Variants in MTOR observed in about 807,000 individuals in gnomAD.
The protein encoded by MTOR is mechanistic target of rapamycin kinase.
Under a neutral mutation model 319.8 loss-of-function variants are expected in MTOR, and 70 were observed. The ratio of observed to expected loss-of-function variants is 0.22; its 90% CI spans 0.18 to 0.27. The LOEUF is 0.27. MTOR is among the 10% of genes least tolerant of loss of function. The pLI is 1.00. For missense variants in MTOR, 1,890 were observed against 3,274.4 expected (o/e 0.58, Z 10.32); for synonymous variants, 1,183 against 1,211.4 (o/e 0.98, Z 0.49).
chr1:11,212,405 A>T lies in MTOR; in HGVS notation c.3468T>A (p.Ile1156=). The T allele has an allele frequency of 6.2e-7, 1 of 1,614,162 alleles. No homozygotes were observed. The highest frequency in any genetic ancestry group is 8.5e-7 in the Non-Finnish European group (1 of 1,180,018). The part of the protein sequence containing the change: ...LDFTDYASRI[I]HPIVRTLDQS... ...GGTCCAGTGTTCGAACAATAGGGTG[A>T]ATGATCCGGGAGGCATAGTCAGTGA... Residue 1156 remains isoleucine (I), a synonymous_variant, in exon 23 of 58, where the codon ATT becomes ATA. Coordinates refer to ENST00000361445, the MANE Select transcript of MTOR (RefSeq NM_004958.4). The surrounding 1 kb of genome is among the most constrained non-coding windows in gnomAD (Gnocchi z 4.1).
chr1:11,242,828 G>C (rs1648258448), intron 9 of MTOR, among the ~76,000 whole-genome samples: 3 of 152,174 alleles, frequency 2.0e-5, no homozygotes, highest in African/African-American at 7.2e-5. Flanking sequence ...TTAAAAGCCA[G>C]AGAAAAAAGC....
At chr1:11,229,659 G>A (rs1392133381) in intron 18 of MTOR, among the ~76,000 whole-genome samples, 3 of 152,174 alleles carry the variant, frequency 2.0e-5, no homozygotes, top group Non-Finnish European at 2.9e-5. Context: ...TTATTTTGGG[G>A]TAATAATATT....
intron 36 of MTOR, among the ~76,000 whole-genome samples, chr1:11,137,054 C>T (rs1643458413): frequency 6.8e-6 from 1 of 147,546 alleles, no homozygotes; most frequent in African/African-American, 2.5e-5. Context: ...GTTGTCCAGG[C>T]TGGTCTCAAA....
intron 49 of MTOR, among the ~76,000 whole-genome samples, chr1:11,120,634 G>T (rs1463213118): frequency 1.3e-5 from 2 of 151,956 alleles, no homozygotes; most frequent in African/African-American, 4.8e-5. Flanking sequence ...TTACAAGTGT[G>T]AGCCACTGCA....
At chr1:11,193,240 G>A (rs940201528) in intron 28 of MTOR, among the ~76,000 whole-genome samples, 5 of 152,010 alleles carry the variant, frequency 3.3e-5, no homozygotes, top group African/African-American at 9.7e-5. Context: ...AACTCAGGAG[G>A]TGGAGGTTGC....
chr1:11,234,312 TAGAG>T, intron 13 of MTOR, 47 bp from the exon 14 acceptor site: 1 of 1,557,902 alleles, frequency 6.4e-7, no homozygotes, highest in South Asian at 1.2e-5. Flanking sequence ...GAAGACATTC[TAGAG>T]AGAGACTGTG....
At chr1:11,215,214 A>G (rs1646431564) in intron 20 of MTOR, among the ~76,000 whole-genome samples, 1 of 152,224 alleles carries the variant, frequency 6.6e-6, no homozygotes, top group Admixed American at 6.5e-5. Context: ...TCCTCCTCCC[A>G]TGAGGACACT....
chr1:11,138,289 C>G (rs1004902634), intron 36 of MTOR, among the ~76,000 whole-genome samples: 2 of 152,106 alleles, frequency 1.3e-5, no homozygotes, highest in Non-Finnish European at 2.9e-5. Context: ...GGGAGGCTCA[C>G]AGAGACTGAA....
At position 11,257,909 on chromosome 1, in the gene MTOR, A is replaced by T. The variant is rs548045693; in HGVS notation, c.271+576T>A. Among the ~76,000 whole-genome samples, 59 of 152,236 alleles carry T rather than the reference A, an allele frequency of 3.9e-4. 1 individual carries two copies. Among genetic ancestry groups the T allele is most frequent in the South Asian group, 1.2e-3 (6 of 4,830 alleles). ...CAGATCACTTGAGGTCAGGAGTTCGAGACCAGCCTGGCCAACATGGTGAAA... is the reference window on the plus strand; with the variant it reads ...CAGATCACTTGAGGTCAGGAGTTCGTGACCAGCCTGGCCAACATGGTGAAA... On this transcript the variant is annotated intron_variant, in intron 3 of 57. Coordinates refer to ENST00000361445, the MANE Select transcript of MTOR (RefSeq NM_004958.4).
chr1:11,233,275 C>G, intron 15 of MTOR, 123 bp downstream of exon 15: 1 of 899,000 alleles, frequency 1.1e-6, no homozygotes. Context: ...GCATTGTTGG[C>G]TGGGTTCCGC....
Position 11,106,658 on chromosome 1 carries a change from C to T in MTOR, c.*827G>A, listed in dbSNP as rs1641593590. On this transcript the variant is annotated 3_prime_UTR_variant, in exon 58 of 58. Coordinates refer to ENST00000361445, the MANE Select transcript of MTOR (RefSeq NM_004958.4). ...GAGTATTTGTTCTGCTCATAATTTC[C>T]AATATGTACCAGACCTTCCCTGTGT... 9.1e-7 allele frequency: 1 copy of T among 1,104,116 alleles called. No homozygotes were observed. Among genetic ancestry groups the T allele is most frequent in the Non-Finnish European group, 1.1e-6 (1 of 901,472 alleles). 68.4% of individuals were successfully genotyped at this position (1,104,116 alleles called of 1,614,324 possible). A position where few individuals can be genotyped will look rare whatever the true frequency, so the allele number is the denominator to read the frequency against.
At chr1:11,150,909 G>GA (rs925017600) in intron 30 of MTOR, among the ~76,000 whole-genome samples, 3 of 151,964 alleles carry the variant, frequency 2.0e-5, no homozygotes, top group Admixed American at 6.6e-5. Flanking sequence ...GCTTCTCAGT[G>GA]AAAAAAAATA....
At chr1:11,161,445 C>T (rs996581907) in intron 29 of MTOR, among the ~76,000 whole-genome samples, 4 of 152,152 alleles carry the variant, frequency 2.6e-5, no homozygotes, top group Non-Finnish European at 4.4e-5. Flanking sequence ...AGTGGTTCTC[C>T]CAGAACAGAG....
In MTOR at chr1:11,212,241, G is replaced by A; in HGVS notation, c.3561+71C>T. On this transcript the variant is annotated intron_variant, in intron 23 of 57. Coordinates refer to ENST00000361445, the MANE Select transcript of MTOR (RefSeq NM_004958.4). This position sits in a 1 kb window ranked among gnomAD's most constrained non-coding sequence, Gnocchi z 4.1. ...GTGGCTGGCATCAGACAAAGTCTGA[G>A]TGGCTCACAGACAAAGTCTTCTTTC... The A allele has an allele frequency of 6.6e-7, 1 of 1,524,788 alleles. No individual in the cohort carries two copies. Among genetic ancestry groups the A allele is most frequent in the Non-Finnish European group, 8.8e-7 (1 of 1,133,134 alleles). 94.5% of individuals were successfully genotyped at this position (1,524,788 alleles called of 1,614,324 possible).
intron 28 of MTOR, among the ~76,000 whole-genome samples, chr1:11,185,422 A>G (rs1645286007): frequency 1.3e-5 from 2 of 150,686 alleles, no homozygotes; most frequent in Non-Finnish European, 2.9e-5. Context: ...ACAAAAAAAA[A>G]AAAAGAAAAG....
intron 31 of MTOR, among the ~76,000 whole-genome samples, chr1:11,148,885 G>A (rs578058098): frequency 4.9e-4 from 74 of 150,824 alleles, no homozygotes; most frequent in African/African-American, 1.7e-3. Flanking sequence ...GTGACAGAGC[G>A]AGACTCCATG....
chr1:11,192,269 G>C, intron 28 of MTOR: 1 of 1,611,188 alleles, frequency 6.2e-7, no homozygotes, highest in East Asian at 2.2e-5. Context: ...TTCTCTTGTA[G>C]ATGCCATCTA....
At position 11,183,489 on chromosome 1, in the gene MTOR, T is replaced by C. The variant is rs552123376; in HGVS notation, c.4253+15769A>G. ...TTTCCTCCTTATTGTTTGATAAGAG[T>C]TCTTTATACACTCTGGGTATAATAC... On this transcript the variant is annotated intron_variant, in intron 28 of 57. Coordinates refer to ENST00000361445, the MANE Select transcript of MTOR (RefSeq NM_004958.4). Among the ~76,000 whole-genome samples, 5 of 152,272 alleles carry C rather than the reference T, an allele frequency of 3.3e-5. No individual in the cohort carries two copies. In the South Asian group the frequency reaches 8.3e-4, roughly 25 times the overall value.
chr1:11,128,019 G>C lies in MTOR; in HGVS notation c.6018C>G (p.Val2006=), dbSNP rs1570941999. The stretch of plus-strand genomic sequence containing the variant: ...TCCGACCCACCATCATGGCCTGCTG[G>C]ACCAGGGTGTTGCTGTGCTCACACA... ...KNMCEHSNTL[V]QQAMMVSEEL... is the part of the protein sequence containing the mutation. The change falls in exon 43 of 58, where the codon GTC becomes GTG. Residue 2006 remains valine (V), a synonymous_variant. Transcript: ENST00000361445. The surrounding 1 kb of genome is among the most constrained non-coding windows in gnomAD (Gnocchi z 5.3). The C allele has an allele frequency of 1.9e-6, 3 of 1,613,906 alleles. No individual in the cohort carries two copies. In the African/African-American group the frequency reaches 4.0e-5, roughly 22 times the overall value.
Sources: allele counts gnomAD v4.1 joint callset (sites outside exome capture counted in the v4.1 genomes callset), GRCh38; gene constraint gnomAD v4.1.1; non-coding constraint Gnocchi (gnomAD v3.1); transcripts MANE v1.5; gene names NCBI Gene and HGNC (gene_info 2026-07-23, HGNC 2026-07-21).